DIAPH1: variants seen among roughly 807,000 people sequenced by gnomAD.
DIAPH1 encodes diaphanous related formin 1, also known as protein diaphanous homolog 1.
In DIAPH1, 46 loss-of-function variants were observed where a neutral mutation model predicts 140.7. That is an observed-to-expected ratio of 0.33 (90% CI 0.26 to 0.42). DIAPH1 has a LOEUF of 0.42. Ranked by LOEUF, DIAPH1 falls within the 10% of genes least tolerant of loss-of-function variation. The pLI is 1.00. For synonymous variants in DIAPH1, 565 were observed against 551.6 expected, an observed-to-expected ratio of 1.02 and a Z score of -0.34; for missense variants, 1,310 against 1,558.7, an observed-to-expected ratio of 0.84 and a Z score of 2.69.
At chr5:141,552,738 A>G (rs1173964439) in intron 18 of DIAPH1, among the ~76,000 whole-genome samples, 3 of 152,224 alleles carry the variant, frequency 2.0e-5, no homozygotes, top group South Asian at 2.1e-4. Context: ...GTCCTTATAA[A>G]GGAGAGGAAA....
rs1237215909 is a variant in DIAPH1 at position 141,528,929 on chromosome 5, G to A, written c.2791C>T (p.Pro931Ser). ...EQFGVVMGTV[P>S]RLRPRLNAIL... ...GCATTGAGGCGAGGCCGCAGTCGGGGCACAGTGCCCATCTAGTAAAGAACA... is the reference window on the plus strand; with the variant it reads ...GCATTGAGGCGAGGCCGCAGTCGGGACACAGTGCCCATCTAGTAAAGAACA... Residue 931 changes from proline to serine, a missense_variant, in exon 22 of 28, where the codon CCC becomes TCC. By Grantham distance (74) the Pro-to-Ser change is moderately conservative. Transcript: ENST00000389054. 6.2e-7 allele frequency: 1 copy of A among 1,613,670 alleles called. No individual in the cohort carries two copies. Among genetic ancestry groups the A allele is most frequent in the Admixed American group, 1.7e-5 (1 of 60,004 alleles).
chr5:141,615,437 G>GAAAAAAAA (rs1013629826), intron 1 of DIAPH1, among the ~76,000 whole-genome samples: 6 of 46,288 alleles, frequency 1.3e-4, no homozygotes, highest in African/African-American at 5.0e-4. Context: ...CTCAGAAAAA[G>GAAAAAAAA]AAAAAAAAAA....
At chr5:141,574,945 GC>G (rs765398961) in intron 15 of DIAPH1, 21 bp downstream of exon 15, 20 of 1,613,736 alleles carry the variant, frequency 1.2e-5, no homozygotes, top group Non-Finnish European at 1.4e-5. Flanking sequence ...AGGTCATTCT[GC>G]CTTCCCTGCT....
intron 18 of DIAPH1, among the ~76,000 whole-genome samples, chr5:141,537,146 T>C (rs1468781508): frequency 6.6e-6 from 1 of 151,918 alleles, no homozygotes; most frequent in Non-Finnish European, 1.5e-5. Context: ...CCAGCCTGGA[T>C]GACAGAGAGA....
At chr5:141,571,686 C>T in intron 17 of DIAPH1, 1 of 661,542 alleles carries the variant, frequency 1.5e-6, no homozygotes. Context: ...TCTCATATCC[C>T]TAACAAGTTA....
rs762735377 is a variant in DIAPH1 at position 141,534,424 on chromosome 5, T to C, written c.2492A>G (p.Asp831Gly). The change falls in exon 19 of 28, where the codon GAT becomes GGT. Residue 831 changes from aspartate to glycine, a missense_variant. Asp to Gly is a moderately conservative substitution (Grantham distance 94, BLOSUM62 -1). Around this residue, in one of 3 missense-constraint regions of DIAPH1, gnomAD observed 589 missense variants for 549.3 expected, o/e 1.07. Transcript: ENST00000389054. The part of the protein sequence containing the change: ...AQTKTSKAKK[D>G]QEGGEEKKSV... ...TTTCTTTTCTTCTCCACCTTCTTGA[T>C]CCTTCTTGGCTAGCAGGGAAAAGAT... is the stretch of plus-strand genomic sequence containing the variant. 6.2e-7 allele frequency: 1 copy of C among 1,613,546 alleles called. No homozygotes were observed. Among genetic ancestry groups the C allele is most frequent in the Non-Finnish European group, 8.5e-7 (1 of 1,179,876 alleles).
chr5:141,609,231 T>G (rs942676042), intron 1 of DIAPH1, among the ~76,000 whole-genome samples: 10 of 151,790 alleles, frequency 6.6e-5, no homozygotes, highest in Admixed American at 6.6e-4. Context: ...GCCTAGTACT[T>G]TTTTCCTGCC....
intron 1 of DIAPH1, among the ~76,000 whole-genome samples, chr5:141,615,602 G>A (rs1238589414): frequency 1.3e-5 from 2 of 151,940 alleles, no homozygotes; most frequent in African/African-American, 4.8e-5. Context: ...AATTAGCCAG[G>A]CGTGGTGGCA....
Position 141,526,462 on chromosome 5 carries a change from GT to G in DIAPH1, c.3274-2del. ...GTTCCTGTGCATCCTTCACAAAGCT[GT>G]GCAGCCAAGGAGTAAAGGACCAAGA... On this transcript the variant is annotated splice_acceptor_variant, in intron 24 of 27. Transcript: ENST00000389054. LOFTEE classifies it high-confidence loss of function. 3.1e-6 allele frequency: 5 copies of G among 1,614,068 alleles called. No individual in the cohort carries two copies. Among genetic ancestry groups the G allele is most frequent in the Non-Finnish European group, 4.2e-6 (5 of 1,180,022 alleles).
chr5:141,615,959 A>G (rs553587087), intron 1 of DIAPH1, among the ~76,000 whole-genome samples: 5 of 152,316 alleles, frequency 3.3e-5, no homozygotes, highest in African/African-American at 1.2e-4. Flanking sequence ...ATCACTGCTG[A>G]AAAGTCAGAA....
chr5:141,575,888 A>G (rs2099895893), intron 14 of DIAPH1, among the ~76,000 whole-genome samples: 2 of 152,182 alleles, frequency 1.3e-5, no homozygotes, highest in Admixed American at 6.5e-5. Flanking sequence ...CTCTAGTTCT[A>G]TTGCTCTAAG....
chr5:141,516,737 G>T lies in DIAPH1; in HGVS notation c.*114C>A. ...CAGGCCAGAGAGAAAGACAGGGTCA[G>T]GGTGGTGGGAGTGGCCACCCCAGAG... On this transcript the variant is annotated 3_prime_UTR_variant, in exon 28 of 28. Transcript: ENST00000389054. 1.8e-6 allele frequency: 2 copies of T among 1,118,870 alleles called. No homozygotes were observed. Among genetic ancestry groups the T allele is most frequent in the Non-Finnish European group, 2.7e-6 (2 of 752,260 alleles). The allele number at this position is 1,118,870 out of a possible 1,614,324, so 69.3% of individuals were successfully genotyped here. A position where few individuals can be genotyped will look rare whatever the true frequency, so the allele number is the denominator to read the frequency against.
chr5:141,526,039 T>C lies in DIAPH1; in HGVS notation c.3573A>G (p.Ala1191=). The change falls in exon 26 of 28, where the codon GCA becomes GCG. Residue 1191 remains alanine (A), a splice_region_variant and synonymous_variant. Coordinates refer to ENST00000389054, the MANE Select transcript of DIAPH1 (RefSeq NM_005219.5). ...QKREQLIDMN[A]EGDETGVMDS... ...CATCAACCCGTCTTCACTCCTCACC[T>C]GCATTCATGTCTATGAGTTGCTCTC... is the stretch of plus-strand genomic sequence containing the variant. 1 of 1,614,050 alleles carries C rather than the reference T, an allele frequency of 6.2e-7. No homozygotes were observed. The highest frequency in any genetic ancestry group is 8.5e-7 in the Non-Finnish European group (1 of 1,180,032).
chr5:141,590,407 T>TA (rs895859725), intron 1 of DIAPH1, among the ~76,000 whole-genome samples: 2 of 152,108 alleles, frequency 1.3e-5, no homozygotes, highest in African/African-American at 4.8e-5. Flanking sequence ...TCTGATTATG[T>TA]AATAGAAGCA....
At chr5:141,585,401 C>G (rs1196917506) in intron 3 of DIAPH1, among the ~76,000 whole-genome samples, 2 of 152,134 alleles carry the variant, frequency 1.3e-5, no homozygotes, top group African/African-American at 4.8e-5. Flanking sequence ...ATACAGATCT[C>G]TAGTAAAACA....
chr5:141,527,480 T>C (rs2099887547), intron 24 of DIAPH1, 93 bp downstream of exon 24: 1 of 1,392,040 alleles, frequency 7.2e-7, no homozygotes, highest in Non-Finnish European at 9.9e-7. Context: ...AGAAAAAAAT[T>C]GCATACTGCC....
intron 18 of DIAPH1, among the ~76,000 whole-genome samples, chr5:141,566,115 G>GAC (rs1443204258): frequency 9.9e-5 from 15 of 152,086 alleles, no homozygotes; most frequent in African/African-American, 3.6e-4. Context: ...ATGCTGGTAG[G>GAC]ACAAATGGAT....
intron 1 of DIAPH1, among the ~76,000 whole-genome samples, chr5:141,604,996 T>C (rs1182361346): frequency 2.6e-5 from 4 of 152,226 alleles, no homozygotes; most frequent in African/African-American, 7.2e-5. Context: ...TGTTGAACTA[T>C]GTTCTAACAC....
Position 141,575,122 on chromosome 5 carries a change from G to A in DIAPH1, c.1486C>T (p.His496Tyr). Residue 496 changes from histidine to tyrosine, a missense_variant, in exon 15 of 28, where the codon CAT (histidine) becomes TAT (tyrosine). Transcript: ENST00000389054. Reference protein sequence around the residue: ...KKLDSELTARHELQVEMKKME... With the variant: ...KKLDSELTARYELQVEMKKME... ...TTTTTCATTTCCACCTGTAGCTCAT[G>A]TCGGGCTGTTAACTCTGAGTCCAAC... The A allele has an allele frequency of 6.2e-7, 1 of 1,614,174 alleles. No homozygotes were observed. The highest frequency in any genetic ancestry group is 8.5e-7 in the Non-Finnish European group (1 of 1,180,040).
Sources: allele counts gnomAD v4.1 joint callset (sites outside exome capture counted in the v4.1 genomes callset), GRCh38; gene constraint gnomAD v4.1.1; regional missense constraint gnomAD v4.1.1; transcripts MANE v1.5; gene names NCBI Gene and HGNC (gene_info 2026-07-23, HGNC 2026-07-21).